Variants in SGCD observed in about 807,000 individuals in gnomAD.
The protein encoded by SGCD is delta-sarcoglycan.
In SGCD, 18 loss-of-function variants were observed where a neutral mutation model predicts 36.6. The observed-to-expected ratio is 0.49, with a 90% CI of 0.34 to 0.73. The LOEUF (loss-of-function observed/expected upper bound fraction) is 0.73, where lower values mean the gene tolerates loss of function less well. SGCD is among the 30% of genes least tolerant of loss of function. SGCD has a pLI of 0.01. For synonymous variants in SGCD, 133 were observed against 130.6 expected (o/e 1.02, Z -0.12); for missense variants, 387 against 346.7 (o/e 1.12, Z -0.92).
At chr5:156,376,671 T>C (rs1004685158) in intron 3 of SGCD, among the ~76,000 whole-genome samples, 5 of 152,184 alleles carry the variant, frequency 3.3e-5, no homozygotes, top group Non-Finnish European at 7.4e-5. Context: ...TATTGGTTAC[T>C]AATCAAGTAT....
chr5:156,566,491 C>T (rs191761339), intron 4 of SGCD, among the ~76,000 whole-genome samples: 16 of 150,278 alleles, frequency 1.1e-4, no homozygotes, highest in Admixed American at 4.7e-4. Flanking sequence ...TGTGGTCTTC[C>T]ATCCTTTACT....
intron 1 of SGCD, among the ~76,000 whole-genome samples, chr5:155,952,531 A>G (rs1757567845): frequency 6.6e-6 from 1 of 152,114 alleles, no homozygotes; most frequent in South Asian, 2.1e-4. Flanking sequence ...CTGGTCCAAA[A>G]GACGTACCCT....
At position 156,596,694 on chromosome 5, in the gene SGCD, A is replaced by G. The variant is rs185462959; in HGVS notation, c.502+1643A>G. ...CCTCTCTCAGTACACATACATGTCT[A>G]ATTTCCTTTCTGGATGACTCTTAGA... On this transcript the variant is annotated intron_variant, in intron 6 of 8. Coordinates refer to ENST00000337851, the MANE Select transcript of SGCD (RefSeq NM_000337.6). Among the ~76,000 whole-genome samples the G allele has an allele frequency of 4.6e-5, 7 of 152,034 alleles. 1 individual carries two copies. Among genetic ancestry groups the G allele is most frequent in the Admixed American group, 3.3e-4 (5 of 15,258 alleles).
At chr5:155,962,078 T>C (rs1757802417) in intron 1 of SGCD, among the ~76,000 whole-genome samples, 1 of 152,068 alleles carries the variant, frequency 6.6e-6, no homozygotes, top group African/African-American at 2.4e-5. Flanking sequence ...AAATTCCCTA[T>C]ATTACAGATG....
At chr5:156,092,253 C>A (rs1761263022) in intron 1 of SGCD, among the ~76,000 whole-genome samples, 1 of 152,204 alleles carries the variant, frequency 6.6e-6, no homozygotes, top group East Asian at 1.9e-4. Flanking sequence ...CTTTGATGGC[C>A]AACTTTCTGT....
chr5:156,135,014 A>G (rs906084103), intron 3 of SGCD, among the ~76,000 whole-genome samples: 1 of 152,170 alleles, frequency 6.6e-6, no homozygotes, highest in Non-Finnish European at 1.5e-5. Context: ...GTCTCCCTCA[A>G]TGAAATTCAA....
At chr5:155,786,313 G>T in the SGCD span, among the ~76,000 whole-genome samples, 45 of 152,226 alleles carry the variant, frequency 3.0e-4, 1 homozygote, top group East Asian at 7.9e-3. Context: ...CTGTCTCCCT[G>T]TTTGGCACCA....
At chr5:155,995,570 T>C (rs370104858) in intron 1 of SGCD, among the ~76,000 whole-genome samples, 17 of 152,166 alleles carry the variant, frequency 1.1e-4, no homozygotes, top group East Asian at 9.6e-4. Context: ...ATTTATTCAA[T>C]AAAGGTCATA....
At chr5:156,178,143 G>A (rs1763516922) in intron 3 of SGCD, among the ~76,000 whole-genome samples, 1 of 152,068 alleles carries the variant, frequency 6.6e-6, no homozygotes, top group Admixed American at 6.6e-5. Flanking sequence ...GTGAAAAACT[G>A]TGATTGTGTG....
intron 3 of SGCD, among the ~76,000 whole-genome samples, chr5:156,270,732 C>G (rs1370414160): frequency 6.6e-6 from 1 of 152,212 alleles, no homozygotes; most frequent in African/African-American, 2.4e-5. Context: ...CTTCCTGTCT[C>G]TCAGCCTTTT....
rs60843726 is a variant in SGCD at position 156,241,251 on chromosome 5, CGTGT to C, written c.-43-88249_-43-88246del. ...ACTGGCCTTGGAAATTAGACCAAAA[CGTGT>C]GTGTGTGTGTGTGTGTGTGTGTGTG... On this transcript the variant is annotated intron_variant, in intron 3 of 9. Coordinates refer to the SGCD transcript ENST00000517913. Among the ~76,000 whole-genome samples the C allele has an allele frequency of 7.7e-3, 1,116 of 145,054 alleles. 12 individuals are homozygous for C. Among genetic ancestry groups the C allele is most frequent in the Middle Eastern group, 0.011 (3 of 270 alleles).
chr5:155,925,510 G>A (rs553396803), intron 1 of SGCD, among the ~76,000 whole-genome samples: 8 of 152,282 alleles, frequency 5.3e-5, no homozygotes, highest in African/African-American at 1.4e-4. Flanking sequence ...TTGTGGTAGC[G>A]TCACTCCAAT....
chr5:155,943,995 T>G (rs552041056), intron 1 of SGCD, among the ~76,000 whole-genome samples: 1 of 152,230 alleles, frequency 6.6e-6, no homozygotes, highest in Non-Finnish European at 1.5e-5. Flanking sequence ...GTGGTCCTCC[T>G]TCTGTCCTGC....
intron 5 of SGCD, among the ~76,000 whole-genome samples, chr5:156,593,658 G>C (rs980740187): frequency 1.3e-5 from 2 of 152,056 alleles, no homozygotes; most frequent in African/African-American, 4.8e-5. Flanking sequence ...CACATTCTCT[G>C]ATAAGTCCTT....
chr5:156,135,847 T>C (rs968545459), intron 3 of SGCD, among the ~76,000 whole-genome samples: 1 of 152,190 alleles, frequency 6.6e-6, no homozygotes, highest in Non-Finnish European at 1.5e-5. Flanking sequence ...ATTTTCAATA[T>C]ATTTTAGATT....
At chr5:156,439,739 C>T (rs1561696239) in intron 3 of SGCD, among the ~76,000 whole-genome samples, 2 of 152,104 alleles carry the variant, frequency 1.3e-5, no homozygotes, top group Admixed American at 1.3e-4. Context: ...TCTTGAAAAG[C>T]AATGCATAGG....
chr5:155,976,535 AC>A (rs1758116690), intron 1 of SGCD, among the ~76,000 whole-genome samples: 1 of 152,204 alleles, frequency 6.6e-6, no homozygotes, highest in African/African-American at 2.4e-5. Context: ...TCGGTAGCTG[AC>A]ACATATTCAC....
At chr5:156,113,662 T>C (rs1487362639) in intron 1 of SGCD, among the ~76,000 whole-genome samples, 1 of 152,160 alleles carries the variant, frequency 6.6e-6, no homozygotes, top group Non-Finnish European at 1.5e-5. Flanking sequence ...TTCTTGGTAT[T>C]TACACAAATG....
chr5:156,138,252 T>A (rs1350589682), intron 3 of SGCD, among the ~76,000 whole-genome samples: 1 of 151,954 alleles, frequency 6.6e-6, no homozygotes, highest in Non-Finnish European at 1.5e-5. Context: ...ATAGAAAAAA[T>A]TAGCCAAGTG....
Sources: gnomAD v4.1 joint callset for allele counts (sites outside exome capture counted in the v4.1 genomes callset) on GRCh38, gnomAD v4.1.1 for gene constraint, MANE v1.5 for transcripts, NCBI Gene and HGNC (gene_info 2026-07-23, HGNC 2026-07-21) for gene names.